Variants in ABHD6 observed in about 807,000 individuals in gnomAD.
The protein encoded by ABHD6 is abhydrolase domain containing 6, acylglycerol lipase.
A neutral mutation model predicts 38.8 loss-of-function variants in ABHD6; 33 were observed. That is an observed-to-expected ratio of 0.85 (90% CI 0.64 to 1.14). The LOEUF is 1.14. Ranked by LOEUF, ABHD6 falls within the 50% of genes most tolerant of loss-of-function variation. ABHD6 has a pLI of 0.00. For synonymous variants in ABHD6, 147 were observed against 161.6 expected (o/e 0.91, Z 0.69); for missense variants, 380 against 422.6 (o/e 0.90, Z 0.88).
intron 1 of ABHD6, among the ~76,000 whole-genome samples, chr3:58,241,610 C>G (rs2097422861): frequency 6.6e-6 from 1 of 152,082 alleles, no homozygotes; most frequent in Non-Finnish European, 1.5e-5. Context: ...TGTGATATAC[C>G]CAGAAAAGGA....
chr3:58,238,531 C>T lies in ABHD6; in HGVS notation c.-91+615C>T, dbSNP rs1328623851. On this transcript the variant is annotated intron_variant, in intron 1 of 9. Coordinates refer to ENST00000478253, the MANE Select transcript of ABHD6 (RefSeq NM_001320126.2). The surrounding 1 kb of genome is among the most constrained non-coding windows in gnomAD (Gnocchi z 6.9). ...GGTACCCGCCGGCAACTTGCGGTCC[C>T]CCGCCTACAGCGACACAGGTTTCAC... 2 of 152,498 alleles carry T rather than the reference C, an allele frequency of 1.3e-5. No individual in the cohort carries two copies. Among genetic ancestry groups the T allele is most frequent in the East Asian group, 3.8e-4 (2 of 5,208 alleles). The allele number at this position is 152,498 out of a possible 1,614,324, so 9.4% of individuals were successfully genotyped here.
intron 7 of ABHD6, among the ~76,000 whole-genome samples, chr3:58,276,948 C>T (rs1443848337): frequency 6.6e-6 from 1 of 152,012 alleles, no homozygotes; most frequent in Non-Finnish European, 1.5e-5. Context: ...ATTTCTGAGG[C>T]CTCTGTTCTG....
At chr3:58,254,851 TACACAC>T (rs58771259) in intron 2 of ABHD6, among the ~76,000 whole-genome samples, 22,011 of 146,748 alleles carry the variant, frequency 0.15, 2,522 homozygotes, top group African/African-American at 0.32. Context: ...TATATGTGTA[TACACAC>T]ACACACACAC....
At position 58,263,412 on chromosome 3, in the gene ABHD6, A is replaced by T. The variant is rs1372424232; in HGVS notation, c.120-3777A>T. ...TCTCAAAAAAAAAAAAAAAGAAAAA[A>T]TATTAGTTTTCCAGTTTCTTGTTTC... On this transcript the variant is annotated intron_variant, in intron 3 of 9. Coordinates refer to ENST00000478253, the MANE Select transcript of ABHD6 (RefSeq NM_001320126.2). This position sits in a 1 kb window ranked among gnomAD's most constrained non-coding sequence, Gnocchi z 4.9. Among the ~76,000 whole-genome samples the T allele has an allele frequency of 1.3e-5, 2 of 152,120 alleles. No homozygotes were observed. Among genetic ancestry groups the T allele is most frequent in the Non-Finnish European group, 2.9e-5 (2 of 68,010 alleles).
chr3:58,240,018 G>T (rs2097421684), intron 1 of ABHD6, among the ~76,000 whole-genome samples: 1 of 151,652 alleles, frequency 6.6e-6, no homozygotes, highest in South Asian at 2.1e-4. Context: ...TGGGAGTGGT[G>T]TTGCGTACCT....
At chr3:58,252,236 T>TTTTTTG (rs2097430486) in intron 2 of ABHD6, among the ~76,000 whole-genome samples, 1 of 141,792 alleles carries the variant, frequency 7.1e-6, no homozygotes, top group African/African-American at 2.7e-5. Context: ...CTTGTTTTTT[T>TTTTTTG]TTTTTTTTTT....
At chr3:58,245,032 T>C (rs890237485) in intron 1 of ABHD6, among the ~76,000 whole-genome samples, 1 of 152,232 alleles carries the variant, frequency 6.6e-6, no homozygotes, top group Admixed American at 6.5e-5. Context: ...CCCTGAATGC[T>C]AGACTTTGTG....
chr3:58,249,258 T>C (rs1407543886), intron 1 of ABHD6, among the ~76,000 whole-genome samples: 1 of 152,266 alleles, frequency 6.6e-6, no homozygotes, highest in Non-Finnish European at 1.5e-5. Context: ...ACTTTTAAAA[T>C]AGAATTCTCA....
At chr3:58,245,923 G>A (rs1372855630) in intron 1 of ABHD6, among the ~76,000 whole-genome samples, 2 of 152,216 alleles carry the variant, frequency 1.3e-5, no homozygotes, top group East Asian at 3.9e-4. Context: ...ACAGGAGAAT[G>A]TTTTGGGTGC....
intron 9 of ABHD6, among the ~76,000 whole-genome samples, chr3:58,290,661 A>T (rs1362619481): frequency 7.4e-6 from 1 of 134,618 alleles, no homozygotes; most frequent in African/African-American, 2.9e-5. Flanking sequence ...CCCTTCTCAG[A>T]TGGGGCGGCT....
chr3:58,277,302 T>C (rs1197241488), intron 7 of ABHD6, among the ~76,000 whole-genome samples: 1 of 152,188 alleles, frequency 6.6e-6, no homozygotes, highest in Non-Finnish European at 1.5e-5. Context: ...GAGCAGTGGT[T>C]TGTAGTTCTC....
intron 9 of ABHD6, among the ~76,000 whole-genome samples, chr3:58,286,562 A>G (rs973816759): frequency 1.6e-4 from 25 of 152,154 alleles, no homozygotes; most frequent in Non-Finnish European, 2.9e-4. Flanking sequence ...ACAGTTGAGT[A>G]ACTGTGACCT....
Position 58,294,028 on chromosome 3 carries a change from A to G in ABHD6, c.*263A>G. On this transcript the variant is annotated 3_prime_UTR_variant, in exon 10 of 10. Coordinates refer to ENST00000478253, the MANE Select transcript of ABHD6 (RefSeq NM_001320126.2). Reference sequence around the variant, plus strand: ...CCATGAAATCTACCATGAAGTCTTCAAGTTCATGTCACTGAGAAGCTTGTG... The same window carrying G: ...CCATGAAATCTACCATGAAGTCTTCGAGTTCATGTCACTGAGAAGCTTGTG... The G allele has an allele frequency of 2.9e-6, 1 of 347,250 alleles. No individual in the cohort carries two copies. Among genetic ancestry groups the G allele is most frequent in the Admixed American group, 4.4e-5 (1 of 22,766 alleles). 21.5% of individuals were successfully genotyped at this position (347,250 alleles called of 1,614,324 possible).
In ABHD6 at chr3:58,270,924, C is replaced by G. The variant is rs775109180; in HGVS notation, c.391-8C>G. On this transcript the variant is annotated splice_polypyrimidine_tract_variant and splice_region_variant and intron_variant, in intron 5 of 9. Coordinates refer to ENST00000478253, the MANE Select transcript of ABHD6 (RefSeq NM_001320126.2). Reference sequence around the variant, plus strand: ...ATAACCAAGCTGCTTTCTCATTTCCCTTCCTAGTTTGTAGAATGCCTGAAG... The same window carrying G: ...ATAACCAAGCTGCTTTCTCATTTCCGTTCCTAGTTTGTAGAATGCCTGAAG... 8 of 1,597,776 alleles carry G rather than the reference C, an allele frequency of 5.0e-6. No individual in the cohort carries two copies. The highest frequency in any genetic ancestry group is 6.8e-6 in the Non-Finnish European group (8 of 1,173,784).
At chr3:58,275,334 T>C (rs1335454593) in intron 7 of ABHD6, among the ~76,000 whole-genome samples, 1 of 122,816 alleles carries the variant, frequency 8.1e-6, no homozygotes, top group Non-Finnish European at 1.7e-5. Flanking sequence ...TATACTCTTT[T>C]TTTTTTTTTT....
In ABHD6 at chr3:58,263,068, C is replaced by T. The variant is rs1028212471; in HGVS notation, c.120-4121C>T. Among the ~76,000 whole-genome samples, 46 of 152,232 alleles carry T rather than the reference C, an allele frequency of 3.0e-4. No homozygotes were observed. The highest frequency in any genetic ancestry group is 7.5e-4 in the African/African-American group (31 of 41,542). On this transcript the variant is annotated intron_variant, in intron 3 of 9. Transcript: ENST00000478253. This position sits in a 1 kb window ranked among gnomAD's most constrained non-coding sequence, Gnocchi z 4.9. ...ACTACAAATACGAAAATTAGCCAGG[C>T]GTGGTGGCACGCGCCTGTAGTCCCA... is the stretch of plus-strand genomic sequence containing the variant.
chr3:58,242,107 G>C (rs1279275462), intron 1 of ABHD6, among the ~76,000 whole-genome samples: 1 of 152,138 alleles, frequency 6.6e-6, no homozygotes, highest in Non-Finnish European at 1.5e-5. Flanking sequence ...TAGGCGTGCC[G>C]GGGAGAGAGG....
At chr3:58,292,179 C>T (rs1411971169) in intron 9 of ABHD6, among the ~76,000 whole-genome samples, 1 of 152,174 alleles carries the variant, frequency 6.6e-6, no homozygotes, top group East Asian at 1.9e-4. Context: ...TTTTCCTGGT[C>T]CAGGGATGCC....
At chr3:58,277,560 G>A (rs116006794) in intron 7 of ABHD6, among the ~76,000 whole-genome samples, 4,901 of 152,232 alleles carry the variant, frequency 0.032, 265 homozygotes, top group African/African-American at 0.11. Context: ...TCTGTAAATG[G>A]ACAATTTGAC....
Sources: gnomAD v4.1 joint callset for allele counts (sites outside exome capture counted in the v4.1 genomes callset) on GRCh38, gnomAD v4.1.1 for gene constraint, Gnocchi (gnomAD v3.1) non-coding constraint, MANE v1.5 for transcripts, NCBI Gene and HGNC (gene_info 2026-07-23, HGNC 2026-07-21) for gene names.